Variants in AGAP1 observed in about 807,000 individuals in gnomAD.
The protein encoded by AGAP1 is ArfGAP with GTPase domain, ankyrin repeat and PH domain 1.
In AGAP1, 29 loss-of-function variants were observed where a neutral mutation model predicts 105.3. The observed-to-expected ratio is 0.28, with a 90% CI of 0.21 to 0.38. The LOEUF is 0.38. AGAP1 is among the 10% of genes least tolerant of loss of function. AGAP1 has a pLI of 1.00. For missense variants in AGAP1, 998 were observed against 1,165.1 expected, an observed-to-expected ratio of 0.86 and a Z score of 2.09; for synonymous variants, 509 against 485.9, an observed-to-expected ratio of 1.05 and a Z score of -0.63.
intron 9 of AGAP1, chr2:235,852,711 T>C (rs1370942296): frequency 2.0e-6 from 3 of 1,521,512 alleles, no homozygotes; most frequent in Non-Finnish European, 1.8e-6. Flanking sequence ...GTCCTTGCAC[T>C]GACAGCCAGC....
At chr2:236,094,922 A>G (rs2059154260) in intron 16 of AGAP1, among the ~76,000 whole-genome samples, 1 of 126,246 alleles carries the variant, frequency 7.9e-6, no homozygotes, top group Non-Finnish European at 1.6e-5. Flanking sequence ...CCCCATCTCT[A>G]CAAAAAAAAA....
At position 236,105,657 on chromosome 2, in the gene AGAP1, A is replaced by ACCATTCTCCCGGGTTCACG. The variant is rs2059467477; in HGVS notation, c.2115-14524_2115-14523insGGTTCACGCCATTCTCCCG. 6.8e-6 allele frequency among the ~76,000 whole-genome samples: 1 copy of ACCATTCTCCCGGGTTCACG among 147,932 alleles called. No homozygotes were observed. The highest frequency in any genetic ancestry group is 1.5e-5 in the Non-Finnish European group (1 of 67,298). On this transcript the variant is annotated intron_variant, in intron 16 of 17. Transcript: ENST00000304032. This position sits in a 1 kb window ranked among gnomAD's most constrained non-coding sequence, Gnocchi z 4.2. ...TGCAACCTCCGCCTCCCGGGTTCACACCATTCTCCCGCGTTCACGCCATTC... is the reference window on the plus strand; with the variant it reads ...TGCAACCTCCGCCTCCCGGGTTCACACCATTCTCCCGGGTTCACGCCATTCTCCCGCGTTCACGCCATTC...
chr2:235,999,497 GGTGGTA>G (rs1353100818), intron 13 of AGAP1, among the ~76,000 whole-genome samples: 8 of 150,494 alleles, frequency 5.3e-5, no homozygotes, highest in East Asian at 2.0e-4. Context: ...GAGAGGTGGT[GGTGGTA>G]GTGGTGATGG....
chr2:235,628,966 CA>C (rs1946731620), intron 1 of AGAP1, among the ~76,000 whole-genome samples: 1 of 152,126 alleles, frequency 6.6e-6, no homozygotes, highest in African/African-American at 2.4e-5. Flanking sequence ...CGCCTGCCAC[CA>C]CATCCGGCTA....
In AGAP1 at chr2:235,576,331, C is replaced by G. The variant is rs148603512; in HGVS notation, c.163+81482C>G. On this transcript the variant is annotated intron_variant, in intron 1 of 17. Coordinates refer to ENST00000304032, the MANE Select transcript of AGAP1 (RefSeq NM_001037131.3). ...TGTTTGGGGGCCAGAAGTTGTTAAC[C>G]TGGTTCACTAGAAGCTAATGCATTG... 2.6e-3 allele frequency among the ~76,000 whole-genome samples: 395 copies of G among 152,316 alleles called. 2 individuals are homozygous for G. The highest frequency in any genetic ancestry group is 9.0e-3 in the African/African-American group (372 of 41,560).
intron 6 of AGAP1, among the ~76,000 whole-genome samples, chr2:235,783,600 C>T (rs76598383): frequency 1.3e-5 from 2 of 152,166 alleles, no homozygotes; most frequent in Non-Finnish European, 1.5e-5. Context: ...ACCCACAAAA[C>T]ATTATGCTCT....
intron 1 of AGAP1, among the ~76,000 whole-genome samples, chr2:235,703,606 C>G (rs1950371112): frequency 6.9e-6 from 1 of 144,032 alleles, no homozygotes; most frequent in African/African-American, 2.6e-5. Context: ...ATCCTCCAGG[C>G]TGGAGTGCAG....
At chr2:235,603,681 C>T (rs773074216) in intron 1 of AGAP1, among the ~76,000 whole-genome samples, 2 of 152,210 alleles carry the variant, frequency 1.3e-5, no homozygotes, top group Non-Finnish European at 2.9e-5. Context: ...AGGCAACTTT[C>T]AGTGATTTGT....
intron 1 of AGAP1, among the ~76,000 whole-genome samples, chr2:235,541,376 C>CTTTTTTTTTTTTTTTTTT (rs556785424): frequency 2.2e-5 from 2 of 91,108 alleles, no homozygotes; most frequent in Non-Finnish European, 4.3e-5. Context: ...CATTCTTATT[C>CTTTTTTTTTTTTTTTTTT]TTTTTTTTTT....
Position 236,089,441 on chromosome 2 carries a change from C to G in AGAP1, c.2115-30751C>G, listed in dbSNP as rs116824214. ...GAACTGCATGCTGGAGATAAAGCGC[C>G]TACTAGGCTGCCGGGTACTGGCAGA... On this transcript the variant is annotated intron_variant, in intron 16 of 17. Transcript: ENST00000304032. This position sits in a 1 kb window ranked among gnomAD's most constrained non-coding sequence, Gnocchi z 5.6. 9.3e-3 allele frequency among the ~76,000 whole-genome samples: 1,413 copies of G among 152,282 alleles called. 24 individuals are homozygous for G. The highest frequency in any genetic ancestry group is 0.032 in the African/African-American group (1,323 of 41,550).
chr2:235,703,921 C>T (rs1575173845), intron 1 of AGAP1, among the ~76,000 whole-genome samples: 2 of 152,162 alleles, frequency 1.3e-5, no homozygotes, highest in South Asian at 2.1e-4. Context: ...AGGTGATCCA[C>T]GCCCCTTGGC....
In AGAP1 at chr2:235,852,622, A is replaced by G; in HGVS notation, c.1051-30723A>G. The G allele has an allele frequency of 3.0e-6, 4 of 1,318,136 alleles. No homozygotes were observed. In the South Asian group the frequency reaches 8.4e-5, roughly 28 times the overall value. The allele number at this position is 1,318,136 out of a possible 1,614,324, so 81.7% of individuals were successfully genotyped here. A position where few individuals can be genotyped will look rare whatever the true frequency, so the allele number is the denominator to read the frequency against. The stretch of plus-strand genomic sequence containing the variant: ...TAGGTAATTGAGTTTATAATTAATT[A>G]GCCATAACCCTCATCAGATAAAGCA... On this transcript the variant is annotated intron_variant, in intron 9 of 17. Transcript: ENST00000304032.
chr2:235,778,341 C>T (rs971570207), intron 6 of AGAP1, among the ~76,000 whole-genome samples: 3 of 152,228 alleles, frequency 2.0e-5, no homozygotes, highest in African/African-American at 7.2e-5. Context: ...TTGACCAGTG[C>T]AGCCAGCAGG....
chr2:236,006,699 A>G (rs925348910), intron 13 of AGAP1, among the ~76,000 whole-genome samples: 2 of 152,208 alleles, frequency 1.3e-5, no homozygotes, highest in East Asian at 3.9e-4. Context: ...AGAGTCTCCA[A>G]CAAAGGTCTC....
chr2:235,562,127 A>G (rs1472116573), intron 1 of AGAP1, among the ~76,000 whole-genome samples: 2 of 152,226 alleles, frequency 1.3e-5, no homozygotes, highest in Non-Finnish European at 2.9e-5. Flanking sequence ...TCTAAAGGAA[A>G]TCAGTTTTTA....
chr2:235,871,751 C>T (rs35101211), intron 9 of AGAP1, among the ~76,000 whole-genome samples: 5 of 152,202 alleles, frequency 3.3e-5, no homozygotes, highest in Admixed American at 1.3e-4. Context: ...GCAGGGCTGA[C>T]TTATCTGTCA....
chr2:235,717,695 T>A (rs776045668), intron 3 of AGAP1, 51 bp downstream of exon 3: 59 of 1,493,204 alleles, frequency 4.0e-5, no homozygotes, highest in Non-Finnish European at 5.1e-5. Flanking sequence ...TTTTTTAAAA[T>A]TTTTCCTTAG....
chr2:235,704,975 T>C (rs1367096392), intron 1 of AGAP1, among the ~76,000 whole-genome samples: 6 of 112,608 alleles, frequency 5.3e-5, no homozygotes, highest in East Asian at 2.3e-4. Flanking sequence ...TTTTCTTTTT[T>C]TTTTTTTTTT....
intron 12 of AGAP1, among the ~76,000 whole-genome samples, chr2:235,935,783 A>G (rs1192262757): frequency 6.6e-6 from 1 of 152,182 alleles, no homozygotes; most frequent in Non-Finnish European, 1.5e-5. Context: ...CTCCATAGGT[A>G]ATTTCCTCTA....
Sources: allele counts gnomAD v4.1 joint callset (sites outside exome capture counted in the v4.1 genomes callset), GRCh38; gene constraint gnomAD v4.1.1; non-coding constraint Gnocchi (gnomAD v3.1); transcripts MANE v1.5; gene names NCBI Gene and HGNC (gene_info 2026-07-23, HGNC 2026-07-21).